Variants in SMARCA2 observed in about 807,000 individuals in gnomAD.
SMARCA2 encodes the protein SWI/SNF related BAF chromatin remodeling complex subunit ATPase 2.
SMARCA2 carries 61 observed loss-of-function variants against 199.8 expected under a neutral mutation model. That is an observed-to-expected ratio of 0.31 (90% CI 0.25 to 0.38). The LOEUF (loss-of-function observed/expected upper bound fraction) is 0.38, where lower values mean the gene tolerates loss of function less well. Ranked by LOEUF, SMARCA2 falls within the 10% of genes least tolerant of loss-of-function variation. The probability of loss-of-function intolerance (pLI) is 1.00; values close to 1 mark genes in which losing one functional copy is unlikely to be tolerated. For missense variants in SMARCA2, 1,344 were observed against 2,012.2 expected (o/e 0.67, Z 6.35); for synonymous variants, 935 against 732.0 (o/e 1.28, Z -4.48).
intron 27 of SMARCA2, among the ~76,000 whole-genome samples, chr9:2,135,943 G>C (rs1353910817): frequency 6.6e-6 from 1 of 152,108 alleles, no homozygotes; most frequent in Admixed American, 6.5e-5. Flanking sequence ...CCAGGTTCAA[G>C]TAATTCTTCT....
chr9:2,093,879 T>G (rs931275082), intron 19 of SMARCA2, among the ~76,000 whole-genome samples: 3 of 152,216 alleles, frequency 2.0e-5, no homozygotes, highest in Non-Finnish European at 2.9e-5. Flanking sequence ...CTTGAGACAT[T>G]AATATTAGTG....
At chr9:2,040,990 T>A (rs1404794143) in intron 4 of SMARCA2, 2 of 184,082 alleles carry the variant, frequency 1.1e-5, no homozygotes, top group East Asian at 2.5e-4. Context: ...TTCCTTGACG[T>A]TGATACCATT....
intron 27 of SMARCA2, among the ~76,000 whole-genome samples, chr9:2,139,942 A>G (rs1824386107): frequency 6.6e-6 from 1 of 152,216 alleles, no homozygotes; most frequent in Non-Finnish European, 1.5e-5. Context: ...AGGTTAAACT[A>G]CAAACTAAAT....
At chr9:2,108,056 C>G (rs965128756) in intron 23 of SMARCA2, among the ~76,000 whole-genome samples, 1 of 152,112 alleles carries the variant, frequency 6.6e-6, no homozygotes, top group African/African-American at 2.4e-5. Flanking sequence ...CAGGCATAGC[C>G]AGGGTTCATG....
chr9:2,026,094 C>T (rs1818816524), intron 1 of SMARCA2, among the ~76,000 whole-genome samples: 3 of 152,142 alleles, frequency 2.0e-5, no homozygotes, highest in South Asian at 2.1e-4. Context: ...GCACTTTTCC[C>T]AGGGCCCTAG....
chr9:2,076,983 A>G (rs1446388851), intron 13 of SMARCA2, among the ~76,000 whole-genome samples: 1 of 152,144 alleles, frequency 6.6e-6, no homozygotes, highest in Non-Finnish European at 1.5e-5. Flanking sequence ...AGACATCCTA[A>G]TATTTCTCCC....
At position 2,018,089 on chromosome 9, in the gene SMARCA2, C is replaced by G. The variant is rs551726333; in HGVS notation, c.-37+2685C>G. ...TGCACATTCAAACTTCGGGCCTAAA[C>G]GTACCTCCAACTCTCGCAGGTTTTA... On this transcript the variant is annotated intron_variant, in intron 1 of 33. Coordinates refer to ENST00000349721, the MANE Select transcript of SMARCA2 (RefSeq NM_003070.5). The G allele has an allele frequency of 4.6e-5, 7 of 152,352 alleles. No individual in the cohort carries two copies. The East Asian group carries it at 1.3e-3, about 29-fold the overall frequency. The allele number at this position is 152,352 out of a possible 1,614,324, so 9.4% of individuals were successfully genotyped here.
intron 27 of SMARCA2, among the ~76,000 whole-genome samples, chr9:2,150,524 A>G (rs968217505): frequency 3.3e-5 from 5 of 151,596 alleles, no homozygotes; most frequent in Admixed American, 6.6e-5. Flanking sequence ...CCCTTAGATT[A>G]TAGGATGGCA....
rs59156319 is a variant in SMARCA2, at chr9:2,155,720, C to CTTTTTTTTTTTTTT, written c.3982-5941_3982-5928dup. Among the ~76,000 whole-genome samples, 2 of 53,152 alleles carry CTTTTTTTTTTTTTT rather than the reference C, an allele frequency of 3.8e-5. 1 individual carries two copies. Among genetic ancestry groups the CTTTTTTTTTTTTTT allele is most frequent in the Non-Finnish European group, 7.0e-5 (2 of 28,614 alleles). 34.9% of individuals were successfully genotyped at this position (53,152 alleles called of 152,430 possible). A position where few individuals can be genotyped will look rare whatever the true frequency, so the allele number is the denominator to read the frequency against. On this transcript the variant is annotated intron_variant, in intron 27 of 33. Transcript: ENST00000349721. ...TATGGCATATGGGGAAAGAGAAAAC[C>CTTTTTTTTTTTTTT]TTTTTTTTTTTTTTTTTTTTTTTTT...
intron 8 of SMARCA2, 66 bp from the exon 9 acceptor site, chr9:2,060,750 G>A: frequency 6.9e-7 from 1 of 1,455,622 alleles, no homozygotes; most frequent in Non-Finnish European, 9.6e-7. Flanking sequence ...GGGGAGGACA[G>A]AGTGGAGAGT....
intron 27 of SMARCA2, chr9:2,160,186 T>C (rs1825588677): frequency 2.4e-6 from 1 of 423,768 alleles, no homozygotes; most frequent in African/African-American, 2.0e-5. Flanking sequence ...TTTAGGCAAA[T>C]GAATATTAAT....
At chr9:2,053,356 G>C (rs1409529444) in intron 5 of SMARCA2, among the ~76,000 whole-genome samples, 2 of 152,076 alleles carry the variant, frequency 1.3e-5, no homozygotes, top group African/African-American at 4.8e-5. Flanking sequence ...TTAATTTTCA[G>C]CTTTTATAGT....
In SMARCA2 at chr9:2,058,273, C is replaced by A; in HGVS notation, c.1348-18C>A. The A allele has an allele frequency of 6.2e-7, 1 of 1,610,362 alleles. No homozygotes were observed. The highest frequency in any genetic ancestry group is 8.5e-7 in the Non-Finnish European group (1 of 1,176,978). On this transcript the variant is annotated intron_variant, in intron 7 of 33. Transcript: ENST00000349721. ...TTGGATTTTAAGTATCCTTTTCTTC[C>A]CTTTTTGGATCTTCTAGGAATACCT...
At chr9:2,186,029 TAAGG>T in intron 31 of SMARCA2, 63 bp from the exon 32 acceptor site, 1 of 1,480,292 alleles carries the variant, frequency 6.8e-7, no homozygotes, top group Non-Finnish European at 9.4e-7. Flanking sequence ...GTGTATTGCA[TAAGG>T]AAGAGTTCAC....
intron 12 of SMARCA2, among the ~76,000 whole-genome samples, chr9:2,075,761 G>A (rs573657249): frequency 7.2e-5 from 11 of 152,216 alleles, no homozygotes; most frequent in Admixed American, 2.0e-4. Flanking sequence ...GGGTTCAAGC[G>A]ATTCTCCTGC....
At chr9:2,085,132 A>G (rs1350661066) in intron 17 of SMARCA2, among the ~76,000 whole-genome samples, 1 of 152,174 alleles carries the variant, frequency 6.6e-6, no homozygotes, top group Non-Finnish European at 1.5e-5. Flanking sequence ...CAAAAAGGAA[A>G]TGTGTTCCCA....
intron 9 of SMARCA2, among the ~76,000 whole-genome samples, chr9:2,064,429 T>G (rs1284870179): frequency 1.3e-5 from 2 of 152,224 alleles, no homozygotes; most frequent in African/African-American, 4.8e-5. Flanking sequence ...GAATACACCC[T>G]AACATATAGT....
chr9:2,080,970 T>A (rs1821542097), intron 14 of SMARCA2, among the ~76,000 whole-genome samples: 1 of 152,234 alleles, frequency 6.6e-6, no homozygotes, highest in African/African-American at 2.4e-5. Flanking sequence ...AGTCATTTAA[T>A]AAATATTTTA....
rs1253589568 is a variant in SMARCA2, at chr9:2,073,212, C to A, written c.1747C>A (p.Pro583Thr). 6.2e-7 allele frequency: 1 copy of A among 1,614,024 alleles called. No homozygotes were observed. The highest frequency in any genetic ancestry group is 8.5e-7 in the Non-Finnish European group (1 of 1,179,984). ...TGACATGATTTTCCCTCCTTTGTAG[C>A]CCATAGATGAGAGCAGCCAGATGAG... ...GESALGPDGE[P>T]IDESSQMSDL... Residue 583 changes from proline to threonine, a missense_variant and splice_region_variant, in exon 11 of 34, where the codon CCC becomes ACC. Physicochemically the swap from Pro to Thr is conservative, Grantham distance 38. Around this residue, in one of 18 missense-constraint regions of SMARCA2, gnomAD observed 68 missense variants for 70.4 expected, o/e 0.97. Coordinates refer to ENST00000349721, the MANE Select transcript of SMARCA2 (RefSeq NM_003070.5).
Sources: gnomAD v4.1 joint callset for allele counts (sites outside exome capture counted in the v4.1 genomes callset) on GRCh38, gnomAD v4.1.1 for gene constraint, gnomAD v4.1.1 regional missense constraint, MANE v1.5 for transcripts, NCBI Gene and HGNC (gene_info 2026-07-23, HGNC 2026-07-21) for gene names.